KLHL4: variants seen among roughly 807,000 people sequenced by gnomAD.
KLHL4 encodes the protein kelch-like protein 4.
Under a neutral mutation model 45.8 loss-of-function variants are expected in KLHL4, and 17 were observed. The observed-to-expected ratio is 0.37, with a 90% CI of 0.25 to 0.56. KLHL4 has a LOEUF of 0.56. Ranked by LOEUF, KLHL4 falls within the 20% of genes least tolerant of loss-of-function variation. The pLI is 0.79. For synonymous variants in KLHL4, 224 were observed against 189.9 expected (o/e 1.18, Z -1.47); for missense variants, 544 against 544.9 (o/e 1.00, Z 0.02).
intron 3 of KLHL4, among the ~76,000 whole-genome samples, chrX:87,614,848 C>G (rs1352329682): frequency 9.0e-6 from 1 of 110,779 alleles, no homozygotes; most frequent in Non-Finnish European, 1.9e-5. Flanking sequence ...GAGCAGACAA[C>G]TATTTAACAC....
chrX:87,566,381 A>G (rs756206575), intron 1 of KLHL4, among the ~76,000 whole-genome samples: 69 of 111,710 alleles, frequency 6.2e-4, no homozygotes, highest in Admixed American at 2.4e-3. Flanking sequence ...TGAAAAGTCC[A>G]TCATAAGTTG....
intron 1 of KLHL4, among the ~76,000 whole-genome samples, chrX:87,527,215 A>C (rs775893260): frequency 8.9e-6 from 1 of 112,093 alleles, no homozygotes; most frequent in South Asian, 3.7e-4. Context: ...CTAATCTACT[A>C]TAAAAGATTC....
At position 87,626,651 on chromosome X, in the gene KLHL4, T is replaced by TTAA. The variant is rs1556036030; in HGVS notation, c.1324+855_1324+856insTAA. ...AAATTGTGAGGGATGTATGTAGCTT[T>TTAA]AAAAAAAAAAAAAACTCAGTATTTA... On this transcript the variant is annotated intron_variant, in intron 6 of 10. Coordinates refer to ENST00000373119, the MANE Select transcript of KLHL4 (RefSeq NM_019117.5). Among the ~76,000 whole-genome samples, 153 of 100,490 alleles carry TTAA rather than the reference T, an allele frequency of 1.5e-3. 1 individual carries two copies. Among genetic ancestry groups the TTAA allele is most frequent in the African/African-American group, 5.1e-3 (144 of 28,142 alleles). The allele number at this position is 100,490 out of a possible 115,157, so 87.3% of individuals were successfully genotyped here.
intron 1 of KLHL4, among the ~76,000 whole-genome samples, chrX:87,536,377 T>G (rs2147770151): frequency 9.0e-6 from 1 of 111,444 alleles, no homozygotes; most frequent in East Asian, 2.8e-4. Flanking sequence ...TAAGCCAAAT[T>G]GTCACAAATG....
intron 9 of KLHL4, among the ~76,000 whole-genome samples, chrX:87,649,871 A>C (rs943947807): frequency 9.0e-6 from 1 of 111,199 alleles, no homozygotes; most frequent in African/African-American, 3.3e-5. Flanking sequence ...ATTGGTCTTT[A>C]TGTCTGTCTT....
chrX:87,658,805 TA>T (rs199723060), intron 9 of KLHL4, among the ~76,000 whole-genome samples: 17 of 109,567 alleles, frequency 1.6e-4, no homozygotes, highest in East Asian at 8.6e-4. Flanking sequence ...TTGCCCTCTT[TA>T]AAAAAAAATG....
rs953392840 is a variant in KLHL4 at position 87,650,513 on chromosome X, C to A, written c.1926-14251C>A. Among the ~76,000 whole-genome samples the A allele has an allele frequency of 5.3e-5, 6 of 112,366 alleles. No individual in the cohort carries two copies. The Admixed American group carries it at 5.7e-4, about 11-fold the overall frequency. On this transcript the variant is annotated intron_variant, in intron 9 of 10. Transcript: ENST00000373119. The stretch of plus-strand genomic sequence containing the variant: ...TTTCCAATTTGCCTGACTTTTATTT[C>A]TCTTTTTAGCCTAATTGCTCTGGTT...
chrX:87,657,422 G>A (rs1469405112), intron 9 of KLHL4, among the ~76,000 whole-genome samples: 2 of 111,933 alleles, frequency 1.8e-5, no homozygotes, highest in Non-Finnish European at 3.8e-5. Context: ...TGTAGGCGCT[G>A]TATAATTTCC....
chrX:87,615,779 A>AT (rs1156486185), intron 3 of KLHL4, among the ~76,000 whole-genome samples: 1 of 111,460 alleles, frequency 9.0e-6, no homozygotes, highest in Non-Finnish European at 1.9e-5. Context: ...AATAAAAAAA[A>AT]TTGTAGAGGC....
At chrX:87,602,726 A>G (rs1367097539) in intron 1 of KLHL4, among the ~76,000 whole-genome samples, 3 of 111,596 alleles carry the variant, frequency 2.7e-5, no homozygotes, top group African/African-American at 9.8e-5. Flanking sequence ...GTGTCTGTAT[A>G]TATAGTGTAT....
chrX:87,547,202 G>C (rs140201258), intron 1 of KLHL4, among the ~76,000 whole-genome samples: 4 of 111,233 alleles, frequency 3.6e-5, no homozygotes, highest in Admixed American at 2.9e-4. Context: ...AGGTGTTGAC[G>C]GAGGGACCTG....
chrX:87,649,854 G>A (rs777884480), intron 9 of KLHL4, among the ~76,000 whole-genome samples: 1 of 111,166 alleles, frequency 9.0e-6, no homozygotes, highest in African/African-American at 3.3e-5. Context: ...GCTCTGTACT[G>A]TGTTCCATTG....
intron 1 of KLHL4, among the ~76,000 whole-genome samples, chrX:87,546,449 G>A (rs1031217324): frequency 1.8e-5 from 2 of 112,225 alleles, no homozygotes; most frequent in Non-Finnish European, 1.9e-5. Flanking sequence ...AGATTTCAGA[G>A]GATGTATGGA....
At chrX:87,532,853 G>T (rs745855271) in intron 1 of KLHL4, among the ~76,000 whole-genome samples, 1 of 110,739 alleles carries the variant, frequency 9.0e-6, no homozygotes, top group Non-Finnish European at 1.9e-5. Context: ...AAACAAATTT[G>T]CAAGGAAAAA....
intron 1 of KLHL4, among the ~76,000 whole-genome samples, chrX:87,529,040 A>G (rs1931182404): frequency 9.6e-6 from 1 of 104,367 alleles, no homozygotes. Context: ...AGAAAATGCA[A>G]TTATATATTC....
At position 87,668,773 on chromosome X, in the gene KLHL4, T is replaced by A. The variant is rs1432497923; in HGVS notation, c.*2239T>A. 1 of 157,523 alleles carries A rather than the reference T, an allele frequency of 6.3e-6. No homozygotes were observed. Among genetic ancestry groups the A allele is most frequent in the Non-Finnish European group, 1.0e-5 (1 of 95,467 alleles). The allele number at this position is 157,523 out of a possible 1,213,427, so 13.0% of individuals were successfully genotyped here. A position where few individuals can be genotyped will look rare whatever the true frequency, so the allele number is the denominator to read the frequency against. On this transcript the variant is annotated 3_prime_UTR_variant, in exon 11 of 11. Transcript: ENST00000373119. Reference sequence around the variant, plus strand: ...CCCCTGGTCATGTGATGCTATGTGTTACCTTGGGACTTACCTGACAGCTCT... The same window carrying A: ...CCCCTGGTCATGTGATGCTATGTGTAACCTTGGGACTTACCTGACAGCTCT...
chrX:87,536,243 C>T (rs1296746376), intron 1 of KLHL4, among the ~76,000 whole-genome samples: 1 of 111,057 alleles, frequency 9.0e-6, no homozygotes, highest in African/African-American at 3.3e-5. Flanking sequence ...CCAACAGTTA[C>T]CCTAAAACAA....
chrX:87,561,416 C>T (rs906206894), intron 1 of KLHL4, among the ~76,000 whole-genome samples: 2 of 111,275 alleles, frequency 1.8e-5, no homozygotes, highest in African/African-American at 3.3e-5. Context: ...AACGCAGTGC[C>T]GACCTGTCAC....
intron 5 of KLHL4, among the ~76,000 whole-genome samples, chrX:87,623,946 T>C (rs1922842120): frequency 8.9e-6 from 1 of 111,879 alleles, no homozygotes; most frequent in African/African-American, 3.2e-5. Context: ...CCTGTGAACT[T>C]GTTAGAAACA....
Sources: allele counts gnomAD v4.1 joint callset (sites outside exome capture counted in the v4.1 genomes callset), GRCh38; gene constraint gnomAD v4.1.1; transcripts MANE v1.5; gene names NCBI Gene and HGNC (gene_info 2026-07-23, HGNC 2026-07-21).